The following KCNMB2 variants were observed in gnomAD, a reference collection of about 807,000 sequenced individuals.
KCNMB2 encodes potassium calcium-activated channel subfamily M regulatory beta subunit 2, also known as calcium-activated potassium channel subunit beta-2.
A neutral mutation model predicts 24.5 loss-of-function variants in KCNMB2; 9 were observed. The ratio of observed to expected loss-of-function variants is 0.37; its 90% confidence interval spans 0.22 to 0.64. The LOEUF (loss-of-function observed/expected upper bound fraction) is 0.64. Among genes scored for constraint, KCNMB2 ranks in the 30% least tolerant of loss-of-function variants. KCNMB2 has a pLI of 0.63. For synonymous variants in KCNMB2, 109 were observed against 104.4 expected (o/e 1.04, Z -0.27); for missense variants, 226 against 284.3 (o/e 0.79, Z 1.47).
rs113514963 is a variant in KCNMB2 at position 178,695,391 on chromosome 3, C to T, written c.-67-111952C>T. On this transcript the variant is annotated intron_variant, in intron 1 of 4. Transcript: ENST00000452583. ...TTGGTGATTAGTGTCTGGCTCCTCG[C>T]TACTTATGCAAATTTCTGCATTAGG... 1.7e-3 allele frequency among the ~76,000 whole-genome samples: 253 copies of T among 152,358 alleles called. 1 individual carries two copies. Among genetic ancestry groups the T allele is most frequent in the African/African-American group, 5.8e-3 (242 of 41,582 alleles).
At position 178,580,617 on chromosome 3, in the gene KCNMB2, G is replaced by A. The variant is rs114486990; in HGVS notation, c.-68+43906G>A. ...TGACATGATTGTGTATTTAGAAAAC[G>A]CCATCATCTCAGCCCAAAATCTGCT... On this transcript the variant is annotated intron_variant, in intron 1 of 4. Coordinates refer to ENST00000452583, the MANE Select transcript of KCNMB2 (RefSeq NM_181361.3). Among the ~76,000 whole-genome samples, 776 of 151,958 alleles carry A rather than the reference G, an allele frequency of 5.1e-3. 7 individuals carry two copies. Among genetic ancestry groups the A allele is most frequent in the African/African-American group, 0.018 (739 of 41,394 alleles).
intron 1 of KCNMB2, among the ~76,000 whole-genome samples, chr3:178,710,309 C>T (rs939623553): frequency 2.0e-5 from 3 of 152,142 alleles, no homozygotes; most frequent in African/African-American, 7.2e-5. Context: ...CACTTCTGAA[C>T]TTCCCTTGAG....
In KCNMB2 at chr3:178,758,024, G is replaced by C. The variant is rs1577157149; in HGVS notation, c.-67-49319G>C. On this transcript the variant is annotated intron_variant, in intron 1 of 4. Transcript: ENST00000452583. The stretch of plus-strand genomic sequence containing the variant: ...CTAGATATATATATATATATATCTA[G>C]AGGATATATATATATATCTAGATAT... 1.3e-3 allele frequency among the ~76,000 whole-genome samples: 2 copies of C among 1,538 alleles called. 1 individual carries two copies. The highest frequency in any genetic ancestry group is 2.9e-3 in the Non-Finnish European group (2 of 688). The allele number at this position is 1,538 out of a possible 152,430, so 1.0% of individuals were successfully genotyped here. A position where few individuals can be genotyped will look rare whatever the true frequency, so the allele number is the denominator to read the frequency against.
intron 1 of KCNMB2, among the ~76,000 whole-genome samples, chr3:178,580,294 C>T (rs1374084399): frequency 6.6e-6 from 1 of 152,130 alleles, no homozygotes; most frequent in Non-Finnish European, 1.5e-5. Context: ...TCAATAGATG[C>T]AGAAAAGGCC....
At chr3:178,829,616 A>G (rs1166990564) in intron 4 of KCNMB2, among the ~76,000 whole-genome samples, 4 of 152,208 alleles carry the variant, frequency 2.6e-5, no homozygotes, top group Non-Finnish European at 4.4e-5. Flanking sequence ...CTTGTCTTTC[A>G]AGATCTTCCC....
At chr3:178,756,704 G>A (rs1002881392) in intron 1 of KCNMB2, among the ~76,000 whole-genome samples, 1 of 151,968 alleles carries the variant, frequency 6.6e-6, no homozygotes, top group Admixed American at 6.6e-5. Flanking sequence ...CACTACTGAT[G>A]CTACTTTAGC....
intron 1 of KCNMB2, among the ~76,000 whole-genome samples, chr3:178,650,179 C>G (rs1720059462): frequency 6.6e-6 from 1 of 152,128 alleles, no homozygotes; most frequent in South Asian, 2.1e-4. Context: ...ATCCTGAGTT[C>G]TAATTTGATT....
At chr3:178,798,829 T>C (rs1713659076) in intron 1 of KCNMB2, among the ~76,000 whole-genome samples, 1 of 152,014 alleles carries the variant, frequency 6.6e-6, no homozygotes, top group African/African-American at 2.4e-5. Flanking sequence ...CCATGGCACA[T>C]GTTTACTTAT....
intron 2 of KCNMB2, among the ~76,000 whole-genome samples, chr3:178,809,452 C>T (rs934461591): frequency 6.6e-6 from 1 of 152,138 alleles, no homozygotes; most frequent in Non-Finnish European, 1.5e-5. Context: ...GCTGGCTTCA[C>T]AGATGAGGAA....
At chr3:178,711,619 C>T (rs538100831) in intron 1 of KCNMB2, among the ~76,000 whole-genome samples, 3 of 144,898 alleles carry the variant, frequency 2.1e-5, no homozygotes, top group Admixed American at 7.0e-5. Flanking sequence ...ACTTCCTATA[C>T]GAAACCCAGA....
chr3:178,772,837 T>C (rs1212852274), intron 1 of KCNMB2, among the ~76,000 whole-genome samples: 1 of 152,230 alleles, frequency 6.6e-6, no homozygotes, highest in East Asian at 1.9e-4. Context: ...TTAATTTCCA[T>C]CTCAGCCCAA....
intron 1 of KCNMB2, among the ~76,000 whole-genome samples, chr3:178,760,390 ATC>A (rs1427285884): frequency 7.4e-6 from 1 of 135,408 alleles, no homozygotes; most frequent in Non-Finnish European, 1.6e-5. Flanking sequence ...TTATATATAT[ATC>A]CATATCCAAG....
chr3:178,809,727 GT>G (rs1714112116), intron 2 of KCNMB2, among the ~76,000 whole-genome samples: 1 of 152,258 alleles, frequency 6.6e-6, no homozygotes, highest in Non-Finnish European at 1.5e-5. Flanking sequence ...TATTTGTGGA[GT>G]TTGAAAGGTG....
intron 1 of KCNMB2, among the ~76,000 whole-genome samples, chr3:178,788,646 T>C (rs1311505450): frequency 5.3e-5 from 8 of 152,200 alleles, no homozygotes; most frequent in Non-Finnish European, 1.2e-4. Flanking sequence ...TTGTGTCATA[T>C]AATTACTAAA....
chr3:178,825,801 C>T, intron 3 of KCNMB2, 43 bp downstream of exon 3: 1 of 1,519,272 alleles, frequency 6.6e-7, no homozygotes, highest in Non-Finnish European at 9.1e-7. Flanking sequence ...TTGTCTCCTG[C>T]TCCATCCTCC....
chr3:178,804,522 T>C (rs1292570689), intron 1 of KCNMB2, among the ~76,000 whole-genome samples: 2 of 152,212 alleles, frequency 1.3e-5, no homozygotes, highest in African/African-American at 4.8e-5. Flanking sequence ...CACTAAGTCC[T>C]TTCCAACAAG....
At chr3:178,568,565 T>C (rs1170628695) in intron 1 of KCNMB2, among the ~76,000 whole-genome samples, 4 of 152,134 alleles carry the variant, frequency 2.6e-5, no homozygotes, top group Admixed American at 6.6e-5. Flanking sequence ...ATCATGGGGA[T>C]AGTCAATCAG....
chr3:178,779,620 A>C (rs1712740068), intron 1 of KCNMB2, among the ~76,000 whole-genome samples: 1 of 152,170 alleles, frequency 6.6e-6, no homozygotes, highest in African/African-American at 2.4e-5. Context: ...TCTCAGTATC[A>C]ATTTTGCTGA....
At chr3:178,674,037 A>G (rs575152257) in intron 1 of KCNMB2, among the ~76,000 whole-genome samples, 1 of 152,284 alleles carries the variant, frequency 6.6e-6, no homozygotes, top group South Asian at 2.1e-4. Context: ...TATATCTCAG[A>G]AACATTTGAC....
Sources: gnomAD v4.1 joint callset for allele counts (sites outside exome capture counted in the v4.1 genomes callset) on GRCh38, gnomAD v4.1.1 for gene constraint, MANE v1.5 for transcripts, NCBI Gene and HGNC (gene_info 2026-07-23, HGNC 2026-07-21) for gene names.